Variants in MAP3K13 observed in about 807,000 individuals in gnomAD.
MAP3K13 encodes leucine zipper-bearing kinase.
In MAP3K13, 52 loss-of-function variants were observed where a neutral mutation model predicts 104.0. The ratio of observed to expected loss-of-function variants is 0.50; its 90% CI spans 0.40 to 0.63. The LOEUF is 0.63. Among genes scored for constraint, MAP3K13 ranks in the 20% least tolerant of loss-of-function variants. The pLI is 0.00. For missense variants in MAP3K13, 914 were observed against 1,218.5 expected (o/e 0.75, Z 3.72); for synonymous variants, 394 against 442.2 (o/e 0.89, Z 1.37).
chr3:185,391,254 C>T (rs1005682762), intron 1 of MAP3K13, among the ~76,000 whole-genome samples: 1 of 152,176 alleles, frequency 6.6e-6, no homozygotes, highest in African/African-American at 2.4e-5. Context: ...ACCCTGGCAA[C>T]CACCATCCTA....
intron 2 of MAP3K13, among the ~76,000 whole-genome samples, chr3:185,290,943 T>C (rs1158136693): frequency 6.6e-6 from 1 of 152,152 alleles, no homozygotes; most frequent in Non-Finnish European, 1.5e-5. Flanking sequence ...CAGAGGCTAG[T>C]ATACCCTGAG....
intron 1 of MAP3K13, among the ~76,000 whole-genome samples, chr3:185,389,166 A>G (rs1216027728): frequency 6.6e-6 from 1 of 152,180 alleles, no homozygotes; most frequent in Non-Finnish European, 1.5e-5. Flanking sequence ...TACTTAATAG[A>G]TACTATGAGC....
intron 8 of MAP3K13, 84 bp downstream of exon 8, chr3:185,463,743 A>C: frequency 1.3e-6 from 1 of 751,532 alleles, no homozygotes; most frequent in Non-Finnish European, 2.3e-6. Flanking sequence ...CCACCATTTC[A>C]CTTTCCACAC....
In MAP3K13 at chr3:185,488,421, C is replaced by G. The variant is rs1459216303; in HGVS notation, c.*5965C>G. 4 of 152,212 alleles carry G rather than the reference C, an allele frequency of 2.6e-5. No individual in the cohort carries two copies. Among genetic ancestry groups the G allele is most frequent in the Admixed American group, 1.3e-4 (2 of 15,278 alleles). 9.4% of individuals were successfully genotyped at this position (152,212 alleles called of 1,614,324 possible). Reference sequence around the variant, plus strand: ...TCAAGTCGGACTGAACTAGGCTAAGCAGAGGACCCTTGTGGAACCTGGAGC... The same window carrying G: ...TCAAGTCGGACTGAACTAGGCTAAGGAGAGGACCCTTGTGGAACCTGGAGC... On this transcript the variant is annotated 3_prime_UTR_variant, in exon 14 of 14. Coordinates refer to ENST00000265026, the MANE Select transcript of MAP3K13 (RefSeq NM_004721.5).
chr3:185,295,804 A>C (rs1720901345), intron 2 of MAP3K13, among the ~76,000 whole-genome samples: 1 of 152,138 alleles, frequency 6.6e-6, no homozygotes, highest in Non-Finnish European at 1.5e-5. Context: ...GTTTTATTAC[A>C]CTGTATGCCC....
At chr3:185,446,703 G>A (rs1715611004) in intron 4 of MAP3K13, among the ~76,000 whole-genome samples, 1 of 152,142 alleles carries the variant, frequency 6.6e-6, no homozygotes, top group Non-Finnish European at 1.5e-5. Flanking sequence ...TGAAATCCCA[G>A]CATATATATT....
At chr3:185,481,999 G>A (rs1405689499) in intron 13 of MAP3K13, among the ~76,000 whole-genome samples, 2 of 152,160 alleles carry the variant, frequency 1.3e-5, no homozygotes, top group Non-Finnish European at 2.9e-5. Context: ...CAGGAGAATC[G>A]CTTGAATCCG....
intron 1 of MAP3K13, among the ~76,000 whole-genome samples, chr3:185,370,633 C>T (rs1048263348): frequency 6.6e-6 from 1 of 151,884 alleles, no homozygotes; most frequent in Non-Finnish European, 1.5e-5. Flanking sequence ...GATTTGCCCA[C>T]GCACTTTCCT....
chr3:185,428,632 C>T lies in MAP3K13; in HGVS notation c.51C>T (p.Pro17=). The stretch of plus-strand genomic sequence containing the variant: ...GCTGCTCCTCTTCTCCACACTTACC[C>T]TTCAGTGAAAGCAAAACCTTCAATG... ...HLSCSSSPHL[P]FSESKTFNGL... Residue 17 remains proline, a synonymous_variant, in exon 2 of 14, where the codon CCC becomes CCT. Coordinates refer to ENST00000265026, the MANE Select transcript of MAP3K13 (RefSeq NM_004721.5). The T allele has an allele frequency of 6.2e-7, 1 of 1,613,190 alleles. No homozygotes were observed. The highest frequency in any genetic ancestry group is 1.3e-5 in the African/African-American group (1 of 75,038).
In MAP3K13 at chr3:185,418,852, ATC is replaced by A; in HGVS notation, c.-85-9643_-85-9642del. On this transcript the variant is annotated intron_variant, in intron 1 of 13. Transcript: ENST00000265026. This position sits in a 1 kb window ranked among gnomAD's most constrained non-coding sequence, Gnocchi z 4.5. ...AGGAAAAGCATGTTCTTGTCTTTTC[ATC>A]TGTTTTGGGTTTCAGTTCTCTTAAT... 6.8e-7 allele frequency: 1 copy of A among 1,470,556 alleles called. No homozygotes were observed. Among genetic ancestry groups the A allele is most frequent in the Non-Finnish European group, 9.2e-7 (1 of 1,091,084 alleles). The allele number at this position is 1,470,556 out of a possible 1,614,324, so 91.1% of individuals were successfully genotyped here. A position where few individuals can be genotyped will look rare whatever the true frequency, so the allele number is the denominator to read the frequency against.
intron 2 of MAP3K13, among the ~76,000 whole-genome samples, chr3:185,429,417 G>A (rs141936446): frequency 6.6e-6 from 1 of 152,138 alleles, no homozygotes; most frequent in Non-Finnish European, 1.5e-5. Context: ...ATATAGCTGT[G>A]CAGATATATA....
At chr3:185,470,720 T>A (rs1717724526) in intron 10 of MAP3K13, among the ~76,000 whole-genome samples, 1 of 152,204 alleles carries the variant, frequency 6.6e-6, no homozygotes, top group Non-Finnish European at 1.5e-5. Context: ...TTTTGCTATT[T>A]CAAAAAATAC....
intron 11 of MAP3K13, 166 bp from the exon 12 acceptor site, chr3:185,477,160 C>T (rs909528437): frequency 1.6e-5 from 11 of 698,812 alleles, no homozygotes; most frequent in Non-Finnish European, 2.1e-5. Flanking sequence ...GGAAAAGTTA[C>T]TAAATGAATA....
At chr3:185,435,882 C>T (rs1715001691) in intron 2 of MAP3K13, among the ~76,000 whole-genome samples, 1 of 152,198 alleles carries the variant, frequency 6.6e-6, no homozygotes, top group African/African-American at 2.4e-5. Context: ...AGTTGATTTG[C>T]TTTCAAGACC....
At chr3:185,430,614 T>A (rs938024533) in intron 2 of MAP3K13, among the ~76,000 whole-genome samples, 1 of 152,222 alleles carries the variant, frequency 6.6e-6, no homozygotes, top group African/African-American at 2.4e-5. Flanking sequence ...GTCCATGTCC[T>A]CGCAAAGGAC....
Position 185,428,850 on chromosome 3 carries a change from A to T in MAP3K13, c.269A>T (p.His90Leu). The T allele has an allele frequency of 6.2e-7, 1 of 1,614,206 alleles. No homozygotes were observed. The highest frequency in any genetic ancestry group is 8.5e-7 in the Non-Finnish European group (1 of 1,180,042). The change falls in exon 2 of 14, where the codon CAC becomes CTC. Residue 90 changes from histidine (H) to leucine (L), a missense_variant. His to Leu is a moderately conservative substitution (Grantham distance 99). Coordinates refer to ENST00000265026, the MANE Select transcript of MAP3K13 (RefSeq NM_004721.5). The part of the protein sequence containing the change: ...FENSVLQLRE[H>L]DESETAVSQG... ...AACAGCGTTCTTCAGCTAAGGGAAC[A>T]CGATGAATCAGAGACGGCGGTGTCT... is the stretch of plus-strand genomic sequence containing the variant.
chr3:185,389,547 G>GA (rs2108766477), intron 1 of MAP3K13, among the ~76,000 whole-genome samples: 1 of 151,498 alleles, frequency 6.6e-6, no homozygotes, highest in East Asian at 1.9e-4. Context: ...ATACCTGGGG[G>GA]AAATTTTTTT....
At chr3:185,312,600 C>G (rs1039878032) in intron 2 of MAP3K13, among the ~76,000 whole-genome samples, 13 of 152,240 alleles carry the variant, frequency 8.5e-5, no homozygotes, top group Non-Finnish European at 1.8e-4. Flanking sequence ...CGGGGCACTT[C>G]TAAACAAATT....
At chr3:185,321,064 GCA>G (rs1721841568) in intron 2 of MAP3K13, among the ~76,000 whole-genome samples, 3 of 150,802 alleles carry the variant, frequency 2.0e-5, no homozygotes, top group South Asian at 2.1e-4. Flanking sequence ...ACACATGCAT[GCA>G]CACACATATG....
Sources: allele counts gnomAD v4.1 joint callset (sites outside exome capture counted in the v4.1 genomes callset), GRCh38; gene constraint gnomAD v4.1.1; non-coding constraint Gnocchi (gnomAD v3.1); transcripts MANE v1.5; gene names NCBI Gene and HGNC (gene_info 2026-07-23, HGNC 2026-07-21).